Variants in SLC22A2 observed in about 807,000 individuals in gnomAD.
SLC22A2 encodes organic cation transporter 2.
A neutral mutation model predicts 60.5 loss-of-function variants in SLC22A2; 46 were observed. That is an observed-to-expected ratio of 0.76 (90% CI 0.60 to 0.97). The LOEUF (loss-of-function observed/expected upper bound fraction) is 0.97. Among genes scored for constraint, SLC22A2 ranks in the 50% least tolerant of loss-of-function variants. SLC22A2 has a pLI of 0.00. For synonymous variants in SLC22A2, 303 were observed against 267.0 expected (o/e 1.13, Z -1.31); for missense variants, 701 against 706.6 (o/e 0.99, Z 0.09).
intron 9 of SLC22A2, among the ~76,000 whole-genome samples, chr6:160,231,110 T>C (rs1288357261): frequency 6.6e-6 from 1 of 151,874 alleles, no homozygotes; most frequent in Admixed American, 6.5e-5. Context: ...TCCAAGGGCC[T>C]ATTTCCCTTG....
chr6:160,226,117 C>G (rs532003473), intron 9 of SLC22A2, among the ~76,000 whole-genome samples: 1 of 152,192 alleles, frequency 6.6e-6, no homozygotes, highest in Admixed American at 6.5e-5. Flanking sequence ...TTTGCAGACC[C>G]TGCACTCAGT....
chr6:160,254,945 T>G (rs998668040), intron 2 of SLC22A2, among the ~76,000 whole-genome samples: 4 of 152,146 alleles, frequency 2.6e-5, no homozygotes, highest in Non-Finnish European at 5.9e-5. Context: ...AAAGATTGAG[T>G]CACCTGTTTA....
At chr6:160,240,321 A>G (rs1417676904) in intron 9 of SLC22A2, among the ~76,000 whole-genome samples, 2 of 152,220 alleles carry the variant, frequency 1.3e-5, no homozygotes, top group African/African-American at 4.8e-5. Flanking sequence ...ATGGGAGTAA[A>G]GAAAAGAATC....
chr6:160,231,140 T>C (rs1397959820), intron 9 of SLC22A2, among the ~76,000 whole-genome samples: 1 of 151,882 alleles, frequency 6.6e-6, no homozygotes, highest in Non-Finnish European at 1.5e-5. Flanking sequence ...CTGTTGTGGG[T>C]ATTGATGGCC....
intron 1 of SLC22A2, chr6:160,258,072 C>T (rs1202273609): frequency 2.4e-6 from 1 of 421,362 alleles, no homozygotes; most frequent in Non-Finnish European, 4.2e-6. Flanking sequence ...TTCCAGGAGT[C>T]CTAATATGCT....
chr6:160,245,221 C>T (rs1380782515), intron 6 of SLC22A2: 2 of 317,858 alleles, frequency 6.3e-6, no homozygotes, highest in Non-Finnish European at 1.1e-5. Context: ...AATGTGAAGC[C>T]GAGGTTGCCA....
rs558392944 is a variant in SLC22A2, at chr6:160,240,030, A to C, written c.1501+1444T>G. Among the ~76,000 whole-genome samples, 6 of 152,248 alleles carry C rather than the reference A, an allele frequency of 3.9e-5. No homozygotes were observed. In the South Asian group the frequency reaches 8.3e-4, roughly 21 times the overall value. ...GAAGTGGTGGGAGCTTCCCCTGATA[A>C]CGGAAATGAGTGACTGAGGAAAATG... is the stretch of plus-strand genomic sequence containing the variant. On this transcript the variant is annotated intron_variant, in intron 9 of 10. Transcript: ENST00000366953.
At chr6:160,242,825 TTGG>T (rs1783032603) in intron 7 of SLC22A2, among the ~76,000 whole-genome samples, 1 of 152,312 alleles carries the variant, frequency 6.6e-6, no homozygotes, top group Non-Finnish European at 1.5e-5. Context: ...GGGTTCACTC[TTGG>T]TGGTACACCT....
intron 10 of SLC22A2, among the ~76,000 whole-genome samples, chr6:160,220,316 G>A (rs1461857403): frequency 6.6e-6 from 1 of 152,174 alleles, no homozygotes; most frequent in Non-Finnish European, 1.5e-5. Flanking sequence ...TTATCACGAG[G>A]TTGAAGCAAT....
Position 160,247,387 on chromosome 6 carries a change from G to A in SLC22A2, c.843-89C>T. 3 of 732,334 alleles carry A rather than the reference G, an allele frequency of 4.1e-6. No individual in the cohort carries two copies. In the South Asian group the frequency reaches 4.7e-5, roughly 11 times the overall value. 45.4% of individuals were successfully genotyped at this position (732,334 alleles called of 1,614,324 possible). On this transcript the variant is annotated intron_variant, in intron 4 of 10. Coordinates refer to ENST00000366953, the MANE Select transcript of SLC22A2 (RefSeq NM_003058.4). ...TTTATAATCAGATTTCTCTGAGGAT[G>A]TTAATACAGTTGGATCTCCAAAGAA...
chr6:160,251,092 T>A (rs143193634), intron 2 of SLC22A2, among the ~76,000 whole-genome samples: 11 of 152,322 alleles, frequency 7.2e-5, no homozygotes, highest in Admixed American at 2.0e-4. Context: ...CAACCAATTA[T>A]CCACCCAAGA....
chr6:160,258,015 C>T (rs925988667), intron 1 of SLC22A2: 1 of 270,686 alleles, frequency 3.7e-6, no homozygotes, highest in Non-Finnish European at 6.9e-6. Flanking sequence ...GGAGGTAAGG[C>T]TTCCAGAAAA....
At chr6:160,235,584 T>A (rs893706594) in intron 9 of SLC22A2, among the ~76,000 whole-genome samples, 2 of 63,704 alleles carry the variant, frequency 3.1e-5, no homozygotes, top group Non-Finnish European at 7.0e-5. Context: ...AAATTAATCA[T>A]GTAAAAGAAA....
At position 160,248,624 on chromosome 6, in the gene SLC22A2, A is replaced by T. The variant is rs140972813; in HGVS notation, c.842+592T>A. Among the ~76,000 whole-genome samples, 322 of 152,320 alleles carry T rather than the reference A, an allele frequency of 2.1e-3. 1 individual carries two copies. The highest frequency in any genetic ancestry group is 3.4e-3 in the Middle Eastern group (1 of 294). ...TTTGCTTTATTTCAGATAATCTCAC[A>T]TTAGGGGTTTCTAAGAGTTTCTGGT... On this transcript the variant is annotated intron_variant, in intron 4 of 10. Transcript: ENST00000366953.
At chr6:160,245,856 C>A (rs965091464) in intron 5 of SLC22A2, among the ~76,000 whole-genome samples, 1 of 149,734 alleles carries the variant, frequency 6.7e-6, no homozygotes, top group Non-Finnish European at 1.5e-5. Flanking sequence ...CACCACAATG[C>A]CCAGCTTTTT....
intron 10 of SLC22A2, among the ~76,000 whole-genome samples, chr6:160,219,619 T>C (rs2114847428): frequency 6.6e-6 from 1 of 151,628 alleles, no homozygotes; most frequent in East Asian, 1.9e-4. Flanking sequence ...TTTTTTCCAG[T>C]TGTCAGTGGG....
At chr6:160,226,972 A>G (rs1021345685) in intron 9 of SLC22A2, among the ~76,000 whole-genome samples, 1 of 152,206 alleles carries the variant, frequency 6.6e-6, no homozygotes, top group Non-Finnish European at 1.5e-5. Context: ...TGTAGCAATA[A>G]GATAGCAAAT....
intron 9 of SLC22A2, among the ~76,000 whole-genome samples, chr6:160,229,986 C>A (rs1325279914): frequency 6.6e-6 from 1 of 151,762 alleles, no homozygotes; most frequent in Non-Finnish European, 1.5e-5. Flanking sequence ...ACATTGGTCC[C>A]TCCCTAGTCT....
At chr6:160,227,946 C>T (rs1782749849) in intron 9 of SLC22A2, among the ~76,000 whole-genome samples, 1 of 152,224 alleles carries the variant, frequency 6.6e-6, no homozygotes, top group Non-Finnish European at 1.5e-5. Flanking sequence ...GCCATGGCAA[C>T]ATCAGGAAGT....
Sources: gnomAD v4.1 joint callset for allele counts (sites outside exome capture counted in the v4.1 genomes callset) on GRCh38, gnomAD v4.1.1 for gene constraint, MANE v1.5 for transcripts, NCBI Gene and HGNC (gene_info 2026-07-23, HGNC 2026-07-21) for gene names.